Variants in DLG2 observed in about 807,000 individuals in gnomAD.
DLG2 encodes discs large MAGUK scaffold protein 2.
Under a neutral mutation model 132.5 loss-of-function variants are expected in DLG2, and 45 were observed. The observed-to-expected ratio is 0.34, with a 90% confidence interval of 0.27 to 0.44. DLG2 has a LOEUF of 0.44. Ranked by LOEUF, DLG2 falls within the 20% of genes least tolerant of loss-of-function variation. DLG2 has a pLI of 1.00. For synonymous variants in DLG2, 424 were observed against 419.6 expected (o/e 1.01, Z -0.13); for missense variants, 1,045 against 1,196.9 (o/e 0.87, Z 1.87).
At chr11:83,550,140 G>C (rs1440190664) in intron 19 of DLG2, among the ~76,000 whole-genome samples, 2 of 152,106 alleles carry the variant, frequency 1.3e-5, no homozygotes, top group East Asian at 3.9e-4. Context: ...GAGGGTGTTG[G>C]CAAATGTCCA....
At chr11:84,562,994 C>T (rs371370788) in intron 6 of DLG2, among the ~76,000 whole-genome samples, 55 of 152,232 alleles carry the variant, frequency 3.6e-4, no homozygotes, top group African/African-American at 1.3e-3. Context: ...TCAAGTGATC[C>T]TCTCGCCTCA....
intron 18 of DLG2, among the ~76,000 whole-genome samples, chr11:83,738,799 G>A (rs1367980652): frequency 6.6e-6 from 1 of 152,162 alleles, no homozygotes; most frequent in Non-Finnish European, 1.5e-5. Context: ...GCTGCATGAT[G>A]ATGGGTCCTT....
intron 6 of DLG2, among the ~76,000 whole-genome samples, chr11:84,752,916 G>T (rs1290941173): frequency 6.6e-6 from 1 of 151,448 alleles, no homozygotes; most frequent in African/African-American, 2.4e-5. Flanking sequence ...TTTTATGGCT[G>T]CATAGTATTC....
chr11:84,253,108 A>G lies in DLG2; in HGVS notation c.520-1817T>C, dbSNP rs76978796. Among the ~76,000 whole-genome samples, 99 of 152,256 alleles carry G rather than the reference A, an allele frequency of 6.5e-4. 1 individual carries two copies. In the East Asian group the frequency reaches 0.013, roughly 20 times the overall value. On this transcript the variant is annotated intron_variant, in intron 7 of 27. Coordinates refer to ENST00000376104, the MANE Select transcript of DLG2 (RefSeq NM_001142699.3). Reference sequence around the variant, plus strand: ...TAGTCATAATATTTTCATGATTCTCAATGGGACGTATCTTGTGGGTAAATA... The same window carrying G: ...TAGTCATAATATTTTCATGATTCTCGATGGGACGTATCTTGTGGGTAAATA...
intron 2 of DLG2, among the ~76,000 whole-genome samples, chr11:85,623,778 TC>T (rs1325748348): frequency 6.6e-6 from 1 of 152,246 alleles, no homozygotes; most frequent in Non-Finnish European, 1.5e-5. Context: ...ACAGCAACTT[TC>T]TGCTGTAAAA....
At chr11:84,311,736 C>G (rs1427581288) in intron 7 of DLG2, among the ~76,000 whole-genome samples, 2 of 152,194 alleles carry the variant, frequency 1.3e-5, no homozygotes, top group African/African-American at 4.8e-5. Context: ...TCAAGGTCCA[C>G]CCGGCTATCT....
intron 7 of DLG2, among the ~76,000 whole-genome samples, chr11:84,366,877 C>G (rs1379309182): frequency 1.3e-5 from 2 of 151,936 alleles, no homozygotes; most frequent in Non-Finnish European, 2.9e-5. Context: ...ACTTTAACAC[C>G]CCACTGTCAA....
At chr11:84,508,802 A>C (rs2099249565) in intron 7 of DLG2, among the ~76,000 whole-genome samples, 1 of 152,182 alleles carries the variant, frequency 6.6e-6, no homozygotes, top group Non-Finnish European at 1.5e-5. Flanking sequence ...CTCTCACTTG[A>C]ATGTAAACTT....
At chr11:84,623,226 T>G (rs560430664) in intron 6 of DLG2, among the ~76,000 whole-genome samples, 27 of 152,292 alleles carry the variant, frequency 1.8e-4, no homozygotes, top group Non-Finnish European at 3.4e-4. Context: ...ACTTATGCCA[T>G]TCCCTCCACC....
Position 83,633,299 on chromosome 11 carries a change from G to C in DLG2, c.1852C>G (p.His618Asp). ...TTCATCATCTGCTCTCGTAGGTCAT[G>C]GATTTTGGCCTCAAATCGAGCGTAA... ...EDYARFEAKI[H>D]DLREQMMNHS... The change falls in exon 19 of 28, where the codon CAT (histidine) becomes GAT (aspartate). Residue 618 changes from histidine to aspartate, a missense_variant. By Grantham distance (81) the His-to-Asp change is moderately conservative. This residue lies in a region of DLG2 where 398 missense variants were observed against 543.6 expected (regional missense o/e 0.73). Transcript: ENST00000376104. 6.2e-7 allele frequency: 1 copy of C among 1,613,628 alleles called. No homozygotes were observed. The highest frequency in any genetic ancestry group is 8.5e-7 in the Non-Finnish European group (1 of 1,179,710).
chr11:84,223,489 T>C (rs1471381698), intron 8 of DLG2, among the ~76,000 whole-genome samples: 2 of 152,070 alleles, frequency 1.3e-5, no homozygotes, highest in East Asian at 3.9e-4. Flanking sequence ...CAACCTCCTG[T>C]TTCTGCCTGT....
intron 7 of DLG2, among the ~76,000 whole-genome samples, chr11:84,369,824 A>T (rs1008762494): frequency 9.9e-5 from 15 of 152,188 alleles, no homozygotes; most frequent in Non-Finnish European, 2.2e-4. Context: ...TGAAATATGT[A>T]TTGAGTGCTG....
intron 18 of DLG2, among the ~76,000 whole-genome samples, chr11:83,676,414 T>C (rs2077698856): frequency 6.6e-6 from 1 of 152,188 alleles, no homozygotes; most frequent in African/African-American, 2.4e-5. Context: ...TAAGTTATAA[T>C]CACCACTATG....
intron 7 of DLG2, among the ~76,000 whole-genome samples, chr11:84,255,485 G>A (rs1470591886): frequency 6.6e-6 from 1 of 152,040 alleles, no homozygotes; most frequent in African/African-American, 2.4e-5. Flanking sequence ...CACCACGCCT[G>A]GCTAATTTTT....
In DLG2 at chr11:85,516,890, T is replaced by C. The variant is rs115597722; in HGVS notation, c.40+81767A>G. 2.0e-3 allele frequency among the ~76,000 whole-genome samples: 311 copies of C among 151,866 alleles called. 3 individuals are homozygous for C. Among genetic ancestry groups the C allele is most frequent in the African/African-American group, 7.2e-3 (297 of 41,442 alleles). ...GTCCTACTGAAACTGTTCCAAAAAA[T>C]TGAGGGAAGGAAATCCTCCCTAACT... On this transcript the variant is annotated intron_variant, in intron 3 of 27. Coordinates refer to ENST00000376104, the MANE Select transcript of DLG2 (RefSeq NM_001142699.3).
intron 3 of DLG2, among the ~76,000 whole-genome samples, chr11:85,365,629 C>T (rs1295147752): frequency 6.6e-6 from 1 of 152,160 alleles, no homozygotes; most frequent in African/African-American, 2.4e-5. Flanking sequence ...AAGACACATG[C>T]ACATGTATGT....
chr11:83,549,198 T>C (rs2096319036), intron 19 of DLG2, among the ~76,000 whole-genome samples: 1 of 152,106 alleles, frequency 6.6e-6, no homozygotes, highest in Non-Finnish European at 1.5e-5. Context: ...TAAAGTCTGC[T>C]CTCTGCTCCA....
chr11:84,823,423 A>G (rs777247627), intron 6 of DLG2, among the ~76,000 whole-genome samples: 3 of 151,800 alleles, frequency 2.0e-5, no homozygotes, highest in Non-Finnish European at 4.4e-5. Context: ...AAAATGCCAA[A>G]CATACTCCAG....
chr11:85,242,818 A>G (rs932167375), intron 4 of DLG2, among the ~76,000 whole-genome samples: 1 of 151,826 alleles, frequency 6.6e-6, no homozygotes, highest in South Asian at 2.1e-4. Flanking sequence ...TGGTACCTGT[A>G]ATCTATATTT....
Sources: gnomAD v4.1 joint callset for allele counts (sites outside exome capture counted in the v4.1 genomes callset) on GRCh38, gnomAD v4.1.1 for gene constraint, gnomAD v4.1.1 regional missense constraint, MANE v1.5 for transcripts, NCBI Gene and HGNC (gene_info 2026-07-23, HGNC 2026-07-21) for gene names.